NRXN3: variants seen among roughly 807,000 people sequenced by gnomAD.
NRXN3 encodes the protein neurexin 3, also known as neurexin III.
In NRXN3, 32 loss-of-function variants were observed where a neutral mutation model predicts 137.6. The ratio of observed to expected loss-of-function variants is 0.23; its 90% CI spans 0.18 to 0.31. The LOEUF is 0.31. NRXN3 is among the 10% of genes least tolerant of loss of function. The pLI, the probability that NRXN3 is intolerant of heterozygous loss-of-function variation, is 1.00. For missense variants in NRXN3, 1,574 were observed against 2,062.5 expected (o/e 0.76, Z 4.59); for synonymous variants, 798 against 784.5 (o/e 1.02, Z -0.29).
At chr14:78,746,961 G>T (rs1219829114) in intron 8 of NRXN3, among the ~76,000 whole-genome samples, 1 of 152,184 alleles carries the variant, frequency 6.6e-6, no homozygotes, top group African/African-American at 2.4e-5. Context: ...GCCTGGCTCT[G>T]GGCTGATTAA....
chr14:78,228,346 G>A (rs2064958875), intron 1 of NRXN3, among the ~76,000 whole-genome samples: 1 of 151,882 alleles, frequency 6.6e-6, no homozygotes, highest in South Asian at 2.1e-4. Flanking sequence ...TACTAGAGAT[G>A]GGGTTTCACC....
At chr14:79,674,644 T>TCAAATTCACATGGTTGACAGATA (rs1194620459) in intron 17 of NRXN3, among the ~76,000 whole-genome samples, 83 of 152,134 alleles carry the variant, frequency 5.5e-4, no homozygotes, top group Admixed American at 1.7e-3. Context: ...TCTACAGAGC[T>TCAAATTCACATGGTTGACAGATA]CAAATTCACA....
chr14:79,745,761 G>A (rs905173272), intron 19 of NRXN3, among the ~76,000 whole-genome samples: 1 of 136,556 alleles, frequency 7.3e-6, no homozygotes, highest in Non-Finnish European at 1.6e-5. Flanking sequence ...GCTCCCCCCT[G>A]CAATCTGCAG....
chr14:78,202,911 G>A (rs4899702), intron 1 of NRXN3, among the ~76,000 whole-genome samples: 51,160 of 152,116 alleles, frequency 0.34, 8,831 homozygotes, highest in East Asian at 0.54. Flanking sequence ...GAGGGGCAGA[G>A]CCATTAGAAC....
At chr14:78,847,193 T>A (rs1451698285) in intron 10 of NRXN3, among the ~76,000 whole-genome samples, 1 of 152,084 alleles carries the variant, frequency 6.6e-6, no homozygotes, top group Non-Finnish European at 1.5e-5. Flanking sequence ...CCCCAGAGTA[T>A]ATCTTGCTTA....
At chr14:78,320,975 G>A (rs1212458662) in intron 4 of NRXN3, among the ~76,000 whole-genome samples, 1 of 150,646 alleles carries the variant, frequency 6.6e-6, no homozygotes, top group Admixed American at 6.6e-5. Flanking sequence ...AATTACCTGG[G>A]TGAGGTGGCG....
At chr14:78,781,619 C>T (rs187981713) in intron 8 of NRXN3, among the ~76,000 whole-genome samples, 135 of 152,310 alleles carry the variant, frequency 8.9e-4, no homozygotes, top group Admixed American at 3.1e-3. Context: ...GCATGACATT[C>T]AGCCTCATTG....
In NRXN3 at chr14:79,021,745, C is replaced by T. The variant is rs149012693; in HGVS notation, c.3262+33604C>T. Among the ~76,000 whole-genome samples, 11 of 152,260 alleles carry T rather than the reference C, an allele frequency of 7.2e-5. No homozygotes were observed. The East Asian group carries it at 1.4e-3, about 19-fold the overall frequency. On this transcript the variant is annotated intron_variant, in intron 15 of 20. Transcript: ENST00000335750. ...AATTGGCTTGGCAGTGCCTAAACAC[C>T]GGAAGCATCACACAATAGAACTCTT...
At chr14:79,743,083 T>C (rs1434875512) in intron 19 of NRXN3, among the ~76,000 whole-genome samples, 1 of 152,194 alleles carries the variant, frequency 6.6e-6, no homozygotes, top group Non-Finnish European at 1.5e-5. Flanking sequence ...ATTGTGGCTA[T>C]TTTTGTGGCA....
At chr14:78,315,352 A>G (rs769957347) in intron 4 of NRXN3, among the ~76,000 whole-genome samples, 10 of 152,128 alleles carry the variant, frequency 6.6e-5, no homozygotes, top group Non-Finnish European at 1.3e-4. Flanking sequence ...GTGTTTCTCA[A>G]ATTCGTGAGA....
intron 15 of NRXN3, among the ~76,000 whole-genome samples, chr14:79,281,286 C>T (rs1355947523): frequency 6.6e-6 from 1 of 152,244 alleles, no homozygotes; most frequent in Middle Eastern, 3.4e-3. Flanking sequence ...GTTATTTCAT[C>T]TTTAGGTAGC....
chr14:79,621,269 G>A (rs1013988667), intron 16 of NRXN3, among the ~76,000 whole-genome samples: 3 of 152,078 alleles, frequency 2.0e-5, no homozygotes, highest in Admixed American at 6.6e-5. Context: ...CAACTATGCC[G>A]GGCACTTTTG....
intron 2 of NRXN3, among the ~76,000 whole-genome samples, chr14:78,255,313 T>C (rs2069379537): frequency 6.6e-6 from 1 of 152,222 alleles, no homozygotes; most frequent in Non-Finnish European, 1.5e-5. Flanking sequence ...GGTTTCATTG[T>C]GCAGCCAGGC....
chr14:78,934,161 CAAA>C (rs556509445), intron 10 of NRXN3, among the ~76,000 whole-genome samples: 25 of 85,660 alleles, frequency 2.9e-4, no homozygotes, highest in African/African-American at 6.6e-4. Flanking sequence ...AAACGACAAC[CAAA>C]AAAAAAAAAA....
intron 1 of NRXN3, among the ~76,000 whole-genome samples, chr14:78,213,764 T>C (rs758874673): frequency 4.6e-5 from 7 of 151,882 alleles, no homozygotes; most frequent in African/African-American, 7.3e-5. Flanking sequence ...GCTACCCTCA[T>C]AGGGGAGGGC....
At chr14:79,588,844 G>A (rs746276438) in intron 16 of NRXN3, among the ~76,000 whole-genome samples, 1 of 152,152 alleles carries the variant, frequency 6.6e-6, no homozygotes. Context: ...AGATGTTTTG[G>A]TATAGGCAAG....
At chr14:79,756,439 T>C (rs561257921) in intron 19 of NRXN3, among the ~76,000 whole-genome samples, 4 of 152,286 alleles carry the variant, frequency 2.6e-5, no homozygotes, top group Admixed American at 2.6e-4. Flanking sequence ...AGTTGAAACA[T>C]CTGAACAAAA....
chr14:79,791,819 G>C (rs569688783), intron 19 of NRXN3, among the ~76,000 whole-genome samples: 1 of 152,232 alleles, frequency 6.6e-6, no homozygotes, highest in South Asian at 2.1e-4. Context: ...TCTTTGTCCA[G>C]AGCTACCACA....
At chr14:78,209,530 C>T (rs954781753) in intron 1 of NRXN3, among the ~76,000 whole-genome samples, 4 of 152,110 alleles carry the variant, frequency 2.6e-5, no homozygotes, top group Non-Finnish European at 4.4e-5. Flanking sequence ...AGAAAACTTA[C>T]AATCATGGCA....
Sources: allele counts gnomAD v4.1 joint callset (sites outside exome capture counted in the v4.1 genomes callset), GRCh38; gene constraint gnomAD v4.1.1; transcripts MANE v1.5; gene names NCBI Gene and HGNC (gene_info 2026-07-23, HGNC 2026-07-21).